CNTN1: variants seen among roughly 807,000 people sequenced by gnomAD.
CNTN1 encodes the protein contactin 1, also known as contactin-1.
CNTN1 carries 38 observed loss-of-function variants against 126.4 expected under a neutral mutation model. The ratio of observed to expected loss-of-function variants is 0.30; its 90% CI spans 0.23 to 0.39. The LOEUF is 0.39. Among genes scored for constraint, CNTN1 ranks in the 10% least tolerant of loss-of-function variants. The pLI, the probability that CNTN1 is intolerant of heterozygous loss-of-function variation, is 1.00. For synonymous variants in CNTN1, 413 were observed against 422.6 expected, an observed-to-expected ratio of 0.98 and a Z score of 0.28; for missense variants, 1,009 against 1,248.4, an observed-to-expected ratio of 0.81 and a Z score of 2.89.
In CNTN1 at chr12:40,936,783, T is replaced by C. The variant is rs202210270; in HGVS notation, c.988T>C (p.Phe330Leu). 1 of 1,612,998 alleles carries C rather than the reference T, an allele frequency of 6.2e-7. No homozygotes were observed. The highest frequency in any genetic ancestry group is 1.3e-5 in the African/African-American group (1 of 75,004). ...KHQARIYVQA[F>L]PEWVEHINDT... ...TTACAATGTTCCTTACTTTTTAGCATTCCCTGAGTGGGTAGAACACATCAA... is the reference window on the plus strand; with the variant it reads ...TTACAATGTTCCTTACTTTTTAGCACTCCCTGAGTGGGTAGAACACATCAA... The change falls in exon 10 of 24, where the codon TTC becomes CTC. Residue 330 changes from phenylalanine (F) to leucine (L), a missense_variant and splice_region_variant. Physicochemically the swap from Phe to Leu is conservative, Grantham distance 22. Coordinates refer to ENST00000551295, the MANE Select transcript of CNTN1 (RefSeq NM_001843.4).
intron 15 of CNTN1, among the ~76,000 whole-genome samples, chr12:40,965,998 C>CCACACA (rs57532764): frequency 0.026 from 3,583 of 136,198 alleles, 111 homozygotes; most frequent in African/African-American, 0.072. Flanking sequence ...CCTCATCACA[C>CCACACA]CACACACACA....
Position 41,043,441 on chromosome 12 carries a change from A to G in CNTN1, c.2980+14222A>G, listed in dbSNP as rs1226841496. 3.3e-5 allele frequency among the ~76,000 whole-genome samples: 5 copies of G among 152,238 alleles called. No individual in the cohort carries two copies. In the East Asian group the frequency reaches 9.6e-4, roughly 29 times the overall value. The stretch of plus-strand genomic sequence containing the variant: ...CATCAGAGAAATGCAAATGAAAACC[A>G]CAATGAGATACCATCTTACACCAGT... On this transcript the variant is annotated intron_variant, in intron 23 of 23. Coordinates refer to ENST00000551295, the MANE Select transcript of CNTN1 (RefSeq NM_001843.4).
intron 1 of CNTN1, among the ~76,000 whole-genome samples, chr12:40,712,660 C>A (rs1941950753): frequency 6.6e-6 from 1 of 152,038 alleles, no homozygotes; most frequent in African/African-American, 2.4e-5. Context: ...AAATAAATGC[C>A]TGTTGTAATT....
At chr12:40,831,387 A>T (rs1941835222) in intron 1 of CNTN1, among the ~76,000 whole-genome samples, 1 of 151,970 alleles carries the variant, frequency 6.6e-6, no homozygotes, top group Non-Finnish European at 1.5e-5. Context: ...AATTTCCCAT[A>T]GGGCACTTCA....
intron 23 of CNTN1, among the ~76,000 whole-genome samples, chr12:41,069,730 T>G (rs533479405): frequency 6.6e-6 from 1 of 152,270 alleles, no homozygotes; most frequent in African/African-American, 2.4e-5. Context: ...TCATATTATT[T>G]TAAATGATTA....
intron 15 of CNTN1, among the ~76,000 whole-genome samples, chr12:40,978,323 A>G (rs893518914): frequency 5.3e-5 from 8 of 151,842 alleles, no homozygotes; most frequent in African/African-American, 1.9e-4. Flanking sequence ...CAATTACTAG[A>G]TGGAAAAATC....
intron 1 of CNTN1, among the ~76,000 whole-genome samples, chr12:40,753,061 A>G (rs967367665): frequency 2.0e-5 from 3 of 152,088 alleles, no homozygotes; most frequent in Non-Finnish European, 4.4e-5. Flanking sequence ...TATGGTGAGG[A>G]AAGAGTGGGG....
chr12:40,856,195 C>A (rs1231001251), intron 1 of CNTN1, among the ~76,000 whole-genome samples: 6 of 152,004 alleles, frequency 3.9e-5, no homozygotes, highest in Non-Finnish European at 8.8e-5. Flanking sequence ...CCAAGTACAA[C>A]TTGGAAGGAT....
In CNTN1 at chr12:41,069,962, C is replaced by T; in HGVS notation, c.2984C>T (p.Ala995Val). The change falls in exon 24 of 24, where the codon GCA becomes GTA. Residue 995 changes from alanine (A) to valine (V), a missense_variant. Physicochemically the swap from Ala to Val is moderately conservative, Grantham distance 64. Transcript: ENST00000551295. ...GVVSQVKISG[A>V]PTLSPSLLGL... ...ACACTTTTGGTTTACCTTGCAGGTGCACCCACCCTATCCCCAAGTCTTCTC... is the reference window on the plus strand; with the variant it reads ...ACACTTTTGGTTTACCTTGCAGGTGTACCCACCCTATCCCCAAGTCTTCTC... The T allele has an allele frequency of 6.2e-7, 1 of 1,613,678 alleles. No individual in the cohort carries two copies. The highest frequency in any genetic ancestry group is 8.5e-7 in the Non-Finnish European group (1 of 1,179,774).
At chr12:40,860,958 A>G (rs1434766795) in intron 1 of CNTN1, among the ~76,000 whole-genome samples, 1 of 152,124 alleles carries the variant, frequency 6.6e-6, no homozygotes, top group African/African-American at 2.4e-5. Context: ...AGATACTTCC[A>G]TCATCTTTAA....
At chr12:40,828,904 G>T (rs1463339254) in intron 1 of CNTN1, among the ~76,000 whole-genome samples, 1 of 152,106 alleles carries the variant, frequency 6.6e-6, no homozygotes, top group Non-Finnish European at 1.5e-5. Flanking sequence ...CTCTTGTTAA[G>T]AATGCCTTAC....
intron 16 of CNTN1, among the ~76,000 whole-genome samples, chr12:40,983,306 A>T (rs910084373): frequency 6.6e-6 from 1 of 152,100 alleles, no homozygotes; most frequent in African/African-American, 2.4e-5. Context: ...TAATCAATTA[A>T]CATTTAATGT....
chr12:40,937,830 T>G lies in CNTN1; in HGVS notation c.1228+143T>G, dbSNP rs906451849. ...GGTTGTTTACTGATTTATTTATTGC[T>G]AATTATCATAATTCAGACTAACGAA... On this transcript the variant is annotated intron_variant, in intron 11 of 23. Coordinates refer to ENST00000551295, the MANE Select transcript of CNTN1 (RefSeq NM_001843.4). 3 of 666,516 alleles carry G rather than the reference T, an allele frequency of 4.5e-6. No individual in the cohort carries two copies. In the African/African-American group the frequency reaches 5.4e-5, roughly 12 times the overall value. The allele number at this position is 666,516 out of a possible 1,614,324, so 41.3% of individuals were successfully genotyped here. A position where few individuals can be genotyped will look rare whatever the true frequency, so the allele number is the denominator to read the frequency against.
At chr12:40,904,167 T>C (rs10879341) in intron 1 of CNTN1, among the ~76,000 whole-genome samples, 7,910 of 151,936 alleles carry the variant, frequency 0.052, 392 homozygotes, top group African/African-American at 0.14. Context: ...TACAGGCGCC[T>C]GCCACCACGC....
intron 1 of CNTN1, among the ~76,000 whole-genome samples, chr12:40,705,476 GT>G (rs373615541): frequency 2.4e-4 from 36 of 149,050 alleles, no homozygotes; most frequent in African/African-American, 2.5e-4. Flanking sequence ...TCAGATCACA[GT>G]TTTTTTTTTC....
At chr12:40,941,838 T>C (rs1476880858) in intron 12 of CNTN1, among the ~76,000 whole-genome samples, 1 of 152,070 alleles carries the variant, frequency 6.6e-6, no homozygotes, top group Admixed American at 6.6e-5. Context: ...GAAATAAGGA[T>C]AAGATCTTGA....
chr12:40,941,036 C>T (rs1946248646), intron 12 of CNTN1, among the ~76,000 whole-genome samples: 1 of 152,136 alleles, frequency 6.6e-6, no homozygotes, highest in African/African-American at 2.4e-5. Context: ...TCATGGACCT[C>T]TTCAACCAAG....
intron 1 of CNTN1, among the ~76,000 whole-genome samples, chr12:40,887,127 G>A (rs868057793): frequency 0.019 from 2,901 of 151,960 alleles, 93 homozygotes; most frequent in African/African-American, 0.066. Flanking sequence ...AGCTTGATGG[G>A]GATGGCATTG....
At chr12:40,936,129 T>G (rs1946072945) in intron 9 of CNTN1, among the ~76,000 whole-genome samples, 1 of 152,164 alleles carries the variant, frequency 6.6e-6, no homozygotes, top group African/African-American at 2.4e-5. Flanking sequence ...TTGGAAAATT[T>G]TTAGCATTTT....
Sources: allele counts gnomAD v4.1 joint callset (sites outside exome capture counted in the v4.1 genomes callset), GRCh38; gene constraint gnomAD v4.1.1; transcripts MANE v1.5; gene names NCBI Gene and HGNC (gene_info 2026-07-23, HGNC 2026-07-21).